The following SDHB variants were observed in gnomAD, a reference collection of about 807,000 sequenced individuals.
SDHB encodes succinate dehydrogenase [ubiquinone] iron-sulfur subunit, mitochondrial.
A neutral mutation model predicts 39.7 loss-of-function variants in SDHB; 21 were observed. That is an observed-to-expected ratio of 0.53 (90% CI 0.37 to 0.76). The LOEUF is 0.76. Ranked by LOEUF, SDHB falls within the 30% of genes least tolerant of loss-of-function variation. SDHB has a pLI of 0.00. For missense variants in SDHB, 343 were observed against 350.9 expected (o/e 0.98, Z 0.18); for synonymous variants, 118 against 117.0 (o/e 1.01, Z -0.06).
Position 17,042,954 on chromosome 1 carries a change from G to GTTTTTTTTTTTTTT in SDHB, c.200+1793_200+1806dup, listed in dbSNP as rs143394198. On this transcript the variant is annotated intron_variant, in intron 2 of 7. Transcript: ENST00000375499. The stretch of plus-strand genomic sequence containing the variant: ...AGCAGTAGGGTTTTTTGTTTTATGA[G>GTTTTTTTTTTTTTT]TTTTTTTTTTTTTTTTTTTTTTTTT... Among the ~76,000 whole-genome samples, 19 of 62,894 alleles carry GTTTTTTTTTTTTTT rather than the reference G, an allele frequency of 3.0e-4. 2 individuals are homozygous for GTTTTTTTTTTTTTT. The highest frequency in any genetic ancestry group is 5.9e-4 in the East Asian group (1 of 1,702). 41.3% of individuals were successfully genotyped at this position (62,894 alleles called of 152,430 possible). A position where few individuals can be genotyped will look rare whatever the true frequency, so the allele number is the denominator to read the frequency against.
intron 1 of SDHB, among the ~76,000 whole-genome samples, chr1:17,047,184 C>T (rs548008208): frequency 6.6e-6 from 1 of 152,018 alleles, no homozygotes; most frequent in African/African-American, 2.4e-5. Flanking sequence ...GGTGAAACTC[C>T]GTCTCTACTA....
At chr1:17,053,714 A>T (rs1329512325) in intron 1 of SDHB, among the ~76,000 whole-genome samples, 1 of 75,620 alleles carries the variant, frequency 1.3e-5, no homozygotes, top group Non-Finnish European at 2.8e-5. Flanking sequence ...CCCCCCCCGC[A>T]CCCTTAGCTG....
chr1:17,040,089 T>C (rs1247787792), intron 2 of SDHB, among the ~76,000 whole-genome samples: 1 of 152,214 alleles, frequency 6.6e-6, no homozygotes, highest in African/African-American at 2.4e-5. Context: ...TTTCTGAACG[T>C]GGAATTCCAG....
At chr1:17,034,678 C>A (rs1557743329) in intron 2 of SDHB, among the ~76,000 whole-genome samples, 1 of 152,110 alleles carries the variant, frequency 6.6e-6, no homozygotes, top group East Asian at 1.9e-4. Flanking sequence ...CTGCGTCTGG[C>A]CCATTATCTG....
intron 2 of SDHB, among the ~76,000 whole-genome samples, chr1:17,033,488 GATT>G (rs1457231185): frequency 6.6e-6 from 1 of 152,170 alleles, no homozygotes; most frequent in African/African-American, 2.4e-5. Context: ...ATTTTAGTTT[GATT>G]TTTAGGATGT....
chr1:17,026,026 C>T (rs539334631), intron 5 of SDHB, among the ~76,000 whole-genome samples: 44 of 152,286 alleles, frequency 2.9e-4, no homozygotes, highest in African/African-American at 9.9e-4. Context: ...GAAACCCAAG[C>T]ATTTAGGATA....
At chr1:17,046,789 C>T (rs2078112454) in intron 1 of SDHB, among the ~76,000 whole-genome samples, 2 of 152,136 alleles carry the variant, frequency 1.3e-5, no homozygotes, top group South Asian at 4.1e-4. Flanking sequence ...GCAATCTTGG[C>T]TCACCACAAC....
At chr1:17,027,417 G>A (rs539080227) in intron 5 of SDHB, among the ~76,000 whole-genome samples, 72 of 152,334 alleles carry the variant, frequency 4.7e-4, no homozygotes, top group African/African-American at 1.7e-3. Context: ...TTTGCCCCCA[G>A]TGAGGGAACA....
chr1:17,022,484 T>A, intron 7 of SDHB, 124 bp downstream of exon 7: 2 of 1,346,230 alleles, frequency 1.5e-6, no homozygotes, highest in South Asian at 2.3e-5. Context: ...AGGACAGGCA[T>A]ATGCTGGTCC....
intron 5 of SDHB, among the ~76,000 whole-genome samples, chr1:17,026,656 C>G (rs2077993374): frequency 6.6e-6 from 1 of 152,186 alleles, no homozygotes; most frequent in Non-Finnish European, 1.5e-5. Flanking sequence ...AGCCACTGCA[C>G]CTGGCCGGAC....
chr1:17,042,351 C>CT (rs2078085769), intron 2 of SDHB, among the ~76,000 whole-genome samples: 1 of 152,206 alleles, frequency 6.6e-6, no homozygotes, highest in African/African-American at 2.4e-5. Flanking sequence ...TCCTTCTCTA[C>CT]TGTTCAGGCA....
intron 1 of SDHB, among the ~76,000 whole-genome samples, chr1:17,049,332 C>G (rs1439749598): frequency 1.3e-5 from 2 of 151,400 alleles, no homozygotes; most frequent in African/African-American, 2.4e-5. Context: ...GAGTCTCATT[C>G]TGTTGCTCAG....
intron 7 of SDHB, 111 bp downstream of exon 7, chr1:17,022,497 T>G (rs940733318): frequency 2.3e-5 from 33 of 1,457,634 alleles, no homozygotes; most frequent in Non-Finnish European, 6.7e-6. Flanking sequence ...GCTGGTCCCT[T>G]TCCTTCTCAA....
chr1:17,034,848 G>A (rs984422245), intron 2 of SDHB, among the ~76,000 whole-genome samples: 1 of 152,158 alleles, frequency 6.6e-6, no homozygotes, highest in Non-Finnish European at 1.5e-5. Flanking sequence ...TTGAATGTTT[G>A]TCATAAATTT....
At chr1:17,042,038 T>C (rs148795570) in intron 2 of SDHB, among the ~76,000 whole-genome samples, 385 of 152,158 alleles carry the variant, frequency 2.5e-3, no homozygotes, top group African/African-American at 9.0e-3. Context: ...TCTCCCCCAT[T>C]AGCCTCCCAA....
At chr1:17,028,188 C>T (rs992672696) in intron 4 of SDHB, among the ~76,000 whole-genome samples, 4 of 152,204 alleles carry the variant, frequency 2.6e-5, no homozygotes, top group African/African-American at 7.2e-5. Flanking sequence ...GACTCATAAA[C>T]AGCTGTTGCT....
chr1:17,036,039 TCA>T lies in SDHB; in HGVS notation c.201-2896_201-2895del, dbSNP rs1170573593. Among the ~76,000 whole-genome samples, 21 of 152,244 alleles carry T rather than the reference TCA, an allele frequency of 1.4e-4. No homozygotes were observed. In the East Asian group the frequency reaches 3.9e-3, roughly 28 times the overall value. On this transcript the variant is annotated intron_variant, in intron 2 of 7. Transcript: ENST00000375499. ...ATTAAAGAGTACAACATAAATTTTCTCAGATTTTACATAGATACCAAAATTGT... is the reference window on the plus strand; with the variant it reads ...ATTAAAGAGTACAACATAAATTTTCTGATTTTACATAGATACCAAAATTGT...
Position 17,028,535 on chromosome 1 carries a change from C to T in SDHB, c.423+65G>A, listed in dbSNP as rs78924859. On this transcript the variant is annotated intron_variant, in intron 4 of 7. Coordinates refer to ENST00000375499, the MANE Select transcript of SDHB (RefSeq NM_003000.3). The stretch of plus-strand genomic sequence containing the variant: ...AAATCCTGCCCTGAAAAACTAATAG[C>T]GTAACACACATAGCACTGCCCCCCA... 5.6e-4 allele frequency: 877 copies of T among 1,559,278 alleles called. 8 individuals are homozygous for T. The East Asian group carries it at 0.016, about 29-fold the overall frequency.
At chr1:17,047,852 T>A (rs2078122337) in intron 1 of SDHB, among the ~76,000 whole-genome samples, 1 of 152,106 alleles carries the variant, frequency 6.6e-6, no homozygotes, top group African/African-American at 2.4e-5. Flanking sequence ...TTTTTTTACA[T>A]TTATTTTTGT....
Sources: allele counts gnomAD v4.1 joint callset (sites outside exome capture counted in the v4.1 genomes callset), GRCh38; gene constraint gnomAD v4.1.1; transcripts MANE v1.5; gene names NCBI Gene and HGNC (gene_info 2026-07-23, HGNC 2026-07-21).